The following FHIP1A variants were observed in gnomAD, a reference collection of about 807,000 sequenced individuals.
FHIP1A encodes the protein FHF complex subunit HOOK-interacting protein 1A.
A neutral mutation model predicts 88.6 loss-of-function variants in FHIP1A; 61 were observed. The ratio of observed to expected loss-of-function variants is 0.69; its 90% confidence interval spans 0.56 to 0.85. The LOEUF (loss-of-function observed/expected upper bound fraction) is 0.85. Ranked by LOEUF, FHIP1A falls within the 40% of genes least tolerant of loss-of-function variation. The pLI is 0.00. For missense variants in FHIP1A, 1,154 were observed against 1,273.5 expected, an observed-to-expected ratio of 0.91 and a Z score of 1.43; for synonymous variants, 478 against 496.0, an observed-to-expected ratio of 0.96 and a Z score of 0.48.
chr4:151,640,679 T>G (rs1033917654), intron 9 of FHIP1A, among the ~76,000 whole-genome samples: 1 of 152,230 alleles, frequency 6.6e-6, no homozygotes, highest in African/African-American at 2.4e-5. Flanking sequence ...GCTGTCTTTT[T>G]CAGTGTACTT....
Position 151,650,455 on chromosome 4 carries a change from A to C in FHIP1A, c.2414A>C (p.Glu805Ala). ...GAGAAGGAGGGGAAGAAGGAGCTAG[A>C]AGATGAGGAGGATGACTTTGACTCT... The part of the protein sequence containing the change: ...EKEKEGKKEL[E>A]DEEDDFDSFI... The change falls in exon 11 of 14, where the codon GAA becomes GCA. Residue 805 changes from glutamate (E) to alanine (A), a missense_variant. Physicochemically the swap from Glu to Ala is moderately radical, Grantham distance 107 (BLOSUM62 -1). Transcript: ENST00000435205. 2 of 1,551,674 alleles carry C rather than the reference A, an allele frequency of 1.3e-6. No individual in the cohort carries two copies. The highest frequency in any genetic ancestry group is 1.7e-6 in the Non-Finnish European group (2 of 1,146,972).
chr4:151,499,777 G>A (rs541730246), intron 3 of FHIP1A, among the ~76,000 whole-genome samples: 5 of 152,086 alleles, frequency 3.3e-5, no homozygotes, highest in Non-Finnish European at 7.4e-5. Flanking sequence ...AGTGCAAAAG[G>A]GGCAAAAGCC....
chr4:151,417,034 C>G (rs1026168387), intron 1 of FHIP1A, among the ~76,000 whole-genome samples: 2 of 152,184 alleles, frequency 1.3e-5, no homozygotes, highest in Non-Finnish European at 2.9e-5. Flanking sequence ...ATTCCCCTGT[C>G]TTGGCCTCCC....
intron 10 of FHIP1A, 58 bp from the exon 11 acceptor site, chr4:151,649,401 T>A (rs535625490): frequency 6.9e-6 from 9 of 1,302,798 alleles, no homozygotes; most frequent in Non-Finnish European, 9.6e-6. Context: ...CACAACCCCA[T>A]CCACTACCTT....
intron 3 of FHIP1A, chr4:151,534,831 C>T (rs941371997): frequency 6.6e-6 from 1 of 152,276 alleles, no homozygotes; most frequent in East Asian, 1.9e-4. Context: ...CATCAAAAGC[C>T]TTCAGATATT....
chr4:151,607,288 T>C (rs1256751457), intron 7 of FHIP1A, among the ~76,000 whole-genome samples: 1 of 152,148 alleles, frequency 6.6e-6, no homozygotes, highest in Non-Finnish European at 1.5e-5. Context: ...GTAAACACAA[T>C]TGAACGAGGT....
intron 7 of FHIP1A, among the ~76,000 whole-genome samples, chr4:151,620,757 CTT>C (rs60624354): frequency 7.0e-4 from 101 of 144,094 alleles, no homozygotes; most frequent in Non-Finnish European, 6.8e-4. Context: ...AATTAGATAT[CTT>C]TTTTTTTTTT....
rs370100095 is a variant in FHIP1A, at chr4:151,586,703, C to T, written c.795C>T (p.Gly265=). Residue 265 remains glycine, a synonymous_variant, in exon 6 of 14, where the codon GGC becomes GGT. Transcript: ENST00000435205. The part of the protein sequence containing the change: ...SSLPTKLEEK[G]EEWHCLLKDD... ...TGCCTACAAAGCTAGAAGAGAAAGG[C>T]GAGGAATGGCACTGCCTTCTGAAAG... 104 of 1,550,984 alleles carry T rather than the reference C, an allele frequency of 6.7e-5. No individual in the cohort carries two copies. The Admixed American group carries it at 1.0e-3, about 16-fold the overall frequency.
chr4:151,429,848 CAAAAA>C (rs34699507), intron 1 of FHIP1A, among the ~76,000 whole-genome samples: 2 of 105,560 alleles, frequency 1.9e-5, no homozygotes, highest in Non-Finnish European at 1.9e-5. Flanking sequence ...GACTCTATCT[CAAAAA>C]AAAAAAAAAA....
At chr4:151,520,892 A>G (rs1376594630) in intron 3 of FHIP1A, among the ~76,000 whole-genome samples, 1 of 152,222 alleles carries the variant, frequency 6.6e-6, no homozygotes, top group Non-Finnish European at 1.5e-5. Context: ...AGTGTTCTCC[A>G]TGGGTTCTGT....
chr4:151,445,849 A>AATAAATATATATATATATATATATATAT (rs1728578301), intron 1 of FHIP1A, among the ~76,000 whole-genome samples: 3 of 97,998 alleles, frequency 3.1e-5, no homozygotes, highest in African/African-American at 1.1e-4. Flanking sequence ...CATCTCTTAA[A>AATAAATATATATATATATATATATATAT]ATATATATAT....
chr4:151,607,252 G>C (rs151249454), intron 7 of FHIP1A, among the ~76,000 whole-genome samples: 3 of 152,332 alleles, frequency 2.0e-5, no homozygotes, highest in Non-Finnish European at 2.9e-5. Flanking sequence ...CAGAGGGCCA[G>C]ATGTAACCAT....
chr4:151,414,354 C>CTATCTTTTTT (rs1346551803), intron 1 of FHIP1A, among the ~76,000 whole-genome samples: 1 of 152,114 alleles, frequency 6.6e-6, no homozygotes, highest in Non-Finnish European at 1.5e-5. Context: ...CGTCTGGCCT[C>CTATCTTTTTT]TATCTAGTTT....
At chr4:151,437,078 C>T (rs1050033709) in intron 1 of FHIP1A, among the ~76,000 whole-genome samples, 1 of 151,974 alleles carries the variant, frequency 6.6e-6, no homozygotes, top group Non-Finnish European at 1.5e-5. Context: ...TAGTTGAATC[C>T]GTGGATGTGG....
At chr4:151,601,500 C>G (rs1734865776) in intron 7 of FHIP1A, among the ~76,000 whole-genome samples, 1 of 151,318 alleles carries the variant, frequency 6.6e-6, no homozygotes, top group Non-Finnish European at 1.5e-5. Flanking sequence ...CTTTTTATAG[C>G]TTATAGTTAC....
intron 3 of FHIP1A, among the ~76,000 whole-genome samples, chr4:151,565,304 C>T (rs775923677): frequency 8.5e-5 from 13 of 152,150 alleles, no homozygotes; most frequent in Non-Finnish European, 1.6e-4. Flanking sequence ...ATTCACCGTA[C>T]ACTCTATGAC....
chr4:151,586,457 C>T (rs1269080100), intron 5 of FHIP1A, among the ~76,000 whole-genome samples, 184 bp from the exon 6 acceptor site: 2 of 152,180 alleles, frequency 1.3e-5, no homozygotes, highest in African/African-American at 2.4e-5. Flanking sequence ...CCAGAGTTGT[C>T]CTTCCCTACT....
intron 2 of FHIP1A, among the ~76,000 whole-genome samples, chr4:151,456,728 CCTTA>C (rs148364391): frequency 0.018 from 2,653 of 151,266 alleles, 71 homozygotes; most frequent in African/African-American, 0.06. Context: ...ATTGTTATGC[CCTTA>C]CTTTTTTTTC....
At chr4:151,474,126 A>G (rs369483786) in intron 2 of FHIP1A, among the ~76,000 whole-genome samples, 171 of 152,362 alleles carry the variant, frequency 1.1e-3, no homozygotes, top group African/African-American at 3.9e-3. Context: ...ATGAGCAATA[A>G]CAGAATGAAC....
Sources: gnomAD v4.1 joint callset for allele counts (sites outside exome capture counted in the v4.1 genomes callset) on GRCh38, gnomAD v4.1.1 for gene constraint, MANE v1.5 for transcripts, NCBI Gene and HGNC (gene_info 2026-07-23, HGNC 2026-07-21) for gene names.